Variants in MON1A observed in about 807,000 individuals in gnomAD.
MON1A encodes the protein vacuolar fusion protein MON1 homolog A.
A neutral mutation model predicts 44.6 loss-of-function variants in MON1A; 29 were observed. That is an observed-to-expected ratio of 0.65 (90% CI 0.48 to 0.89). The LOEUF (loss-of-function observed/expected upper bound fraction) is 0.89. Ranked by LOEUF, MON1A falls within the 40% of genes least tolerant of loss-of-function variation. The probability of loss-of-function intolerance (pLI) is 0.00; values close to 1 mark genes in which losing one functional copy is unlikely to be tolerated. For missense variants in MON1A, 615 were observed against 759.6 expected (o/e 0.81, Z 2.24); for synonymous variants, 275 against 316.4 (o/e 0.87, Z 1.39).
In MON1A at chr3:49,910,334, G is replaced by A. The variant is rs1469434624; in HGVS notation, c.1164C>T (p.Asp388=). ...FHAHISYLEP[D]TDLCLLLVST... is the part of the protein sequence containing the mutation. Reference sequence around the variant, plus strand: ...AGACAAGCAGCAGGCAGAGGTCAGTGTCAGGCTCTAGGTAAGAGATGTGTG... The same window carrying A: ...AGACAAGCAGCAGGCAGAGGTCAGTATCAGGCTCTAGGTAAGAGATGTGTG... Residue 388 remains aspartate, a synonymous_variant, in exon 4 of 6, where the codon GAC becomes GAT. Coordinates refer to ENST00000296473, the MANE Select transcript of MON1A (RefSeq NM_032355.4). This position sits in a 1 kb window ranked among gnomAD's most constrained non-coding sequence, Gnocchi z 8.0. 1.9e-6 allele frequency: 3 copies of A among 1,614,110 alleles called. No homozygotes were observed. The African/African-American group carries it at 4.0e-5, about 22-fold the overall frequency.
intron 1 of MON1A, chr3:49,916,127 C>T (rs969388219): frequency 6.6e-6 from 1 of 152,272 alleles, no homozygotes; most frequent in African/African-American, 2.4e-5. Context: ...TCCCAGAACA[C>T]AGAGTCTGGT....
At chr3:49,928,495 T>C (rs1397837526) in intron 1 of MON1A, among the ~76,000 whole-genome samples, 1 of 152,174 alleles carries the variant, frequency 6.6e-6, no homozygotes, top group Admixed American at 6.6e-5. Context: ...AGTGCCCTGC[T>C]ATGCCTGTGA....
chr3:49,926,932 C>T (rs2083056722), intron 1 of MON1A, among the ~76,000 whole-genome samples: 1 of 152,084 alleles, frequency 6.6e-6, no homozygotes. Context: ...GTGTGTACCA[C>T]CATGCCCATC....
chr3:49,910,092 A>G lies in MON1A; in HGVS notation c.1379+27T>C. ...ACTCCACATGTCCCTGTCCCGCTAC[A>G]GCAGTGCCCTCAAGGCCCTCCCTCA... is the stretch of plus-strand genomic sequence containing the variant. On this transcript the variant is annotated intron_variant, in intron 4 of 5. Coordinates refer to ENST00000296473, the MANE Select transcript of MON1A (RefSeq NM_032355.4). This position sits in a 1 kb window ranked among gnomAD's most constrained non-coding sequence, Gnocchi z 8.0. The G allele has an allele frequency of 6.4e-7, 1 of 1,553,650 alleles. No homozygotes were observed. Among genetic ancestry groups the G allele is most frequent in the South Asian group, 1.2e-5 (1 of 82,104 alleles).
intron 1 of MON1A, among the ~76,000 whole-genome samples, chr3:49,917,745 T>G (rs565780913): frequency 6.7e-6 from 1 of 149,180 alleles, no homozygotes; most frequent in South Asian, 2.2e-4. Flanking sequence ...AAGACAGAAG[T>G]CGTTAGAAGA....
At chr3:49,922,969 A>G (rs2083014727) in intron 1 of MON1A, among the ~76,000 whole-genome samples, 1 of 149,990 alleles carries the variant, frequency 6.7e-6, no homozygotes, top group African/African-American at 2.4e-5. Flanking sequence ...TTGGCCTCCC[A>G]AAGTGCTGGG....
chr3:49,912,283 T>C, intron 2 of MON1A: 1 of 386,968 alleles, frequency 2.6e-6, no homozygotes, highest in Non-Finnish European at 4.6e-6. Flanking sequence ...CCCACCCCAC[T>C]CCCTTGCCCA....
chr3:49,910,799 C>A lies in MON1A; in HGVS notation c.699G>T (p.Ala233=). ...ARTRQSAQEL[A]QELLYIYYQI... is the part of the protein sequence containing the mutation. The stretch of plus-strand genomic sequence containing the variant: ...GGTAGTAGATGTAGAGCAGCTCCTG[C>A]GCCAGCTCTTGTGCCGACTGCCGCG... Residue 233 remains alanine, a synonymous_variant, in exon 4 of 6, where the codon GCG becomes GCT. Transcript: ENST00000296473. The surrounding 1 kb of genome is among the most constrained non-coding windows in gnomAD (Gnocchi z 8.0). The A allele has an allele frequency of 6.2e-7, 1 of 1,613,880 alleles. No homozygotes were observed. The highest frequency in any genetic ancestry group is 8.5e-7 in the Non-Finnish European group (1 of 1,179,990).
In MON1A at chr3:49,911,975, C is replaced by T. The variant is rs370838633; in HGVS notation, c.164G>A (p.Arg55His). The change falls in exon 3 of 6, where the codon CGT becomes CAT. Residue 55 changes from arginine (R) to histidine (H), a missense_variant. Transcript: ENST00000296473. This position sits in a 1 kb window ranked among gnomAD's most constrained non-coding sequence, Gnocchi z 5.7. ...TGACTCAGTCAGGTCCTCGTAGGAACGGGCATGGACGAACATGGCACCCTC... is the reference window on the plus strand; with the variant it reads ...TGACTCAGTCAGGTCCTCGTAGGAATGGGCATGGACGAACATGGCACCCTC... ...GQEGAMFVHA[R>H]SYEDLTESED... The T allele has an allele frequency of 2.2e-5, 35 of 1,604,546 alleles. No individual in the cohort carries two copies. Among genetic ancestry groups the T allele is most frequent in the Middle Eastern group, 1.7e-4 (1 of 6,002 alleles).
Position 49,910,515 on chromosome 3 carries a change from T to C in MON1A, c.983A>G (p.Gln328Arg). The C allele has an allele frequency of 6.2e-7, 1 of 1,613,934 alleles. No individual in the cohort carries two copies. The highest frequency in any genetic ancestry group is 8.5e-7 in the Non-Finnish European group (1 of 1,179,888). Residue 328 changes from glutamine (Q) to arginine (R), a missense_variant, in exon 4 of 6, where the codon CAG becomes CGG. Coordinates refer to ENST00000296473, the MANE Select transcript of MON1A (RefSeq NM_032355.4). The surrounding 1 kb of genome is among the most constrained non-coding windows in gnomAD (Gnocchi z 8.0). ...LVFSILLARN[Q>R]LVALVRRKDQ... ...CTTTCGGCGCACGAGTGCCACGAGCTGGTTGCGGGCCAGCAGGATGGAGAA... is the reference window on the plus strand; with the variant it reads ...CTTTCGGCGCACGAGTGCCACGAGCCGGTTGCGGGCCAGCAGGATGGAGAA...
At chr3:49,914,454 A>G (rs190410138) in intron 1 of MON1A, among the ~76,000 whole-genome samples, 226 of 151,158 alleles carry the variant, frequency 1.5e-3, no homozygotes, top group African/African-American at 5.3e-3. Context: ...GCTCACTGCA[A>G]CCTCTGCCTC....
rs1370325523 is a variant in MON1A, at chr3:49,910,857, C to T, written c.641G>A (p.Arg214Gln). Residue 214 changes from arginine to glutamine, a missense_variant, in exon 4 of 6, where the codon CGG (arginine) becomes CAG (glutamine). Arg to Gln is a conservative substitution (Grantham distance 43, BLOSUM62 1). Coordinates refer to ENST00000296473, the MANE Select transcript of MON1A (RefSeq NM_032355.4). The surrounding 1 kb of genome is among the most constrained non-coding windows in gnomAD (Gnocchi z 8.0). ...CACCGCCACTAGCACCAGCGGGCTC[C>T]GGCGCACGAATACTACCTTGTAGCC... is the stretch of plus-strand genomic sequence containing the variant. The part of the protein sequence containing the change: ...ADGYKVVFVR[R>Q]SPLVLVAVAR... The T allele has an allele frequency of 1.9e-6, 3 of 1,611,242 alleles. No homozygotes were observed. The highest frequency in any genetic ancestry group is 2.2e-5 in the East Asian group (1 of 44,790).
At chr3:49,922,951 C>T (rs981554893) in intron 1 of MON1A, among the ~76,000 whole-genome samples, 10 of 151,760 alleles carry the variant, frequency 6.6e-5, no homozygotes, top group Non-Finnish European at 1.2e-4. Context: ...CCTGGTGATC[C>T]GCCTGCCTTG....
At position 49,911,508 on chromosome 3, in the gene MON1A, C is replaced by A; in HGVS notation, c.613+18G>T. 1.3e-6 allele frequency: 2 copies of A among 1,592,678 alleles called. No individual in the cohort carries two copies. Among genetic ancestry groups the A allele is most frequent in the Non-Finnish European group, 1.7e-6 (2 of 1,167,468 alleles). On this transcript the variant is annotated intron_variant, in intron 3 of 5. Transcript: ENST00000296473. The surrounding 1 kb of genome is among the most constrained non-coding windows in gnomAD (Gnocchi z 5.7). ...TTGGCCAGGGGAGCCCGCCCCATTCCCTCTCCAGGTGGCTCACCTGCATGG... is the reference window on the plus strand; with the variant it reads ...TTGGCCAGGGGAGCCCGCCCCATTCACTCTCCAGGTGGCTCACCTGCATGG...
At position 49,911,929 on chromosome 3, in the gene MON1A, C is replaced by A; in HGVS notation, c.210G>T (p.Gly70=). ...CCCTGGTACCCTCCTTGTGGCTGTC[C>A]CCAGAAGCTGCCCCATCCTCTGACT... ...LTESEDGAAS[G]DSHKEGTRGP... The change falls in exon 3 of 6, where the codon GGG becomes GGT. Residue 70 remains glycine, a synonymous_variant. Transcript: ENST00000296473. This position sits in a 1 kb window ranked among gnomAD's most constrained non-coding sequence, Gnocchi z 5.7. 5.0e-6 allele frequency: 8 copies of A among 1,613,602 alleles called. No individual in the cohort carries two copies. Among genetic ancestry groups the A allele is most frequent in the Non-Finnish European group, 5.1e-6 (6 of 1,179,828 alleles).
chr3:49,926,465 T>C (rs2083052027), intron 1 of MON1A, among the ~76,000 whole-genome samples: 1 of 152,158 alleles, frequency 6.6e-6, no homozygotes, highest in South Asian at 2.1e-4. Context: ...GGAGGAGTTC[T>C]ATTTTTTTTG....
Position 49,914,889 on chromosome 3 carries a change from C to T in MON1A, c.-13-1530G>A, listed in dbSNP as rs190052493. On this transcript the variant is annotated intron_variant, in intron 1 of 5. Transcript: ENST00000296473. ...AGAGACAAGGTCTTTTCATGTTGCCCTGGCTGGTCTCAAACTACTAGGCTC... is the reference window on the plus strand; with the variant it reads ...AGAGACAAGGTCTTTTCATGTTGCCTTGGCTGGTCTCAAACTACTAGGCTC... 3.0e-3 allele frequency among the ~76,000 whole-genome samples: 453 copies of T among 152,248 alleles called. 3 individuals carry two copies. Among genetic ancestry groups the T allele is most frequent in the African/African-American group, 0.011 (443 of 41,528 alleles).
chr3:49,910,800 G>A lies in MON1A; in HGVS notation c.698C>T (p.Ala233Val). 6.2e-7 allele frequency: 1 copy of A among 1,613,776 alleles called. No homozygotes were observed. The highest frequency in any genetic ancestry group is 8.5e-7 in the Non-Finnish European group (1 of 1,179,970). ...ARTRQSAQEL[A>V]QELLYIYYQI... ...GTAGTAGATGTAGAGCAGCTCCTGC[G>A]CCAGCTCTTGTGCCGACTGCCGCGT... is the stretch of plus-strand genomic sequence containing the variant. The change falls in exon 4 of 6, where the codon GCG (alanine) becomes GTG (valine). Residue 233 changes from alanine to valine, a missense_variant. Coordinates refer to ENST00000296473, the MANE Select transcript of MON1A (RefSeq NM_032355.4). This position sits in a 1 kb window ranked among gnomAD's most constrained non-coding sequence, Gnocchi z 8.0.
At chr3:49,916,551 C>G (rs1178267822) in intron 1 of MON1A, 4 of 152,284 alleles carry the variant, frequency 2.6e-5, no homozygotes, top group Non-Finnish European at 4.4e-5. Flanking sequence ...GAGGGTTGGG[C>G]ACCACTGCCA....
Sources: gnomAD v4.1 joint callset for allele counts (sites outside exome capture counted in the v4.1 genomes callset) on GRCh38, gnomAD v4.1.1 for gene constraint, Gnocchi (gnomAD v3.1) non-coding constraint, MANE v1.5 for transcripts, NCBI Gene and HGNC (gene_info 2026-07-23, HGNC 2026-07-21) for gene names.